Variants in WWOX observed in about 807,000 individuals in gnomAD.
WWOX encodes WW domain-containing oxidoreductase.
Under a neutral mutation model 46.2 loss-of-function variants are expected in WWOX, and 69 were observed. The ratio of observed to expected loss-of-function variants is 1.49; its 90% CI spans 1.23 to 1.82. WWOX has a LOEUF of 1.82. Among genes scored for constraint, WWOX ranks in the 40% most tolerant of loss-of-function variants. The probability of loss-of-function intolerance (pLI) is 0.00; values close to 1 mark genes in which losing one functional copy is unlikely to be tolerated. For missense variants in WWOX, 919 were observed against 542.6 expected (o/e 1.69, Z -6.89); for synonymous variants, 359 against 202.6 (o/e 1.77, Z -6.56).
At chr16:78,956,026 A>G (rs907600933) in intron 8 of WWOX, among the ~76,000 whole-genome samples, 1 of 152,074 alleles carries the variant, frequency 6.6e-6, no homozygotes, top group African/African-American at 2.4e-5. Flanking sequence ...TTTTTTTAGA[A>G]CTGTTTTAGT....
At chr16:79,175,367 TG>T (rs1484455332) in intron 8 of WWOX, among the ~76,000 whole-genome samples, 1 of 152,144 alleles carries the variant, frequency 6.6e-6, no homozygotes, top group Admixed American at 6.5e-5. Flanking sequence ...CTTCTGGGTG[TG>T]GGTTTTAAAT....
chr16:78,457,550 T>C (rs765100404), intron 8 of WWOX, among the ~76,000 whole-genome samples: 3 of 152,084 alleles, frequency 2.0e-5, no homozygotes, highest in Non-Finnish European at 4.4e-5. Context: ...TTTGGGGAAA[T>C]CTTAACAGCC....
intron 8 of WWOX, among the ~76,000 whole-genome samples, chr16:79,029,639 C>G (rs752078944): frequency 2.6e-5 from 4 of 152,180 alleles, no homozygotes; most frequent in African/African-American, 4.8e-5. Flanking sequence ...ATAAAATTGA[C>G]ATTTTTAACT....
At chr16:78,736,932 T>G (rs1055395550) in intron 8 of WWOX, among the ~76,000 whole-genome samples, 1 of 151,908 alleles carries the variant, frequency 6.6e-6, no homozygotes, top group Non-Finnish European at 1.5e-5. Flanking sequence ...ATATAGCTAT[T>G]GTGTATTGCG....
intron 8 of WWOX, chr16:79,205,244 G>C (rs1235929218): frequency 1.3e-5 from 2 of 152,202 alleles, no homozygotes; most frequent in African/African-American, 4.8e-5. Flanking sequence ...TTATGGTGAT[G>C]GACTGGCACT....
At chr16:78,623,420 C>A (rs754509115) in intron 8 of WWOX, among the ~76,000 whole-genome samples, 1 of 152,126 alleles carries the variant, frequency 6.6e-6, no homozygotes, top group African/African-American at 2.4e-5. Context: ...TGGCTCATGC[C>A]TGTCATTCCA....
intron 8 of WWOX, among the ~76,000 whole-genome samples, chr16:78,791,492 C>G (rs544667468): frequency 4.6e-5 from 7 of 152,232 alleles, no homozygotes; most frequent in Non-Finnish European, 7.4e-5. Context: ...TTTGCCCTGT[C>G]GTGGTCTTGG....
At chr16:78,420,896 T>C (rs1406229813) in intron 6 of WWOX, among the ~76,000 whole-genome samples, 2 of 152,100 alleles carry the variant, frequency 1.3e-5, no homozygotes, top group East Asian at 3.8e-4. Context: ...TATCTGGAAA[T>C]CTTTTCGTGG....
At chr16:78,439,247 C>T (rs1399163300) in intron 8 of WWOX, among the ~76,000 whole-genome samples, 8 of 152,096 alleles carry the variant, frequency 5.3e-5, no homozygotes, top group Admixed American at 5.2e-4. Context: ...TTTGAGACTC[C>T]TGAGTGAGGT....
At chr16:79,027,107 C>T (rs1005768532) in intron 8 of WWOX, among the ~76,000 whole-genome samples, 1 of 151,116 alleles carries the variant, frequency 6.6e-6, no homozygotes, top group Non-Finnish European at 1.5e-5. Context: ...TGGTGAGACC[C>T]CATCTCTACA....
intron 8 of WWOX, chr16:78,873,349 C>A (rs1295337800): frequency 6.6e-6 from 1 of 152,172 alleles, no homozygotes; most frequent in Non-Finnish European, 1.5e-5. Flanking sequence ...CTGGTCATCA[C>A]CCTTCAAGTT....
At chr16:78,373,783 C>G (rs2081752653) in intron 5 of WWOX, among the ~76,000 whole-genome samples, 1 of 151,956 alleles carries the variant, frequency 6.6e-6, no homozygotes, top group African/African-American at 2.4e-5. Flanking sequence ...TTAAACTTTT[C>G]TGAGCATATA....
At chr16:79,193,191 C>G (rs989599466) in intron 8 of WWOX, among the ~76,000 whole-genome samples, 3 of 152,236 alleles carry the variant, frequency 2.0e-5, no homozygotes, top group Non-Finnish European at 4.4e-5. Flanking sequence ...GTTATGGAAT[C>G]AGATAGACCA....
intron 8 of WWOX, among the ~76,000 whole-genome samples, chr16:78,456,924 G>A (rs1336218367): frequency 6.6e-6 from 1 of 152,232 alleles, no homozygotes; most frequent in South Asian, 2.1e-4. Flanking sequence ...TCACCCTTAT[G>A]AAGAGTTACT....
chr16:78,639,139 G>A (rs907811448), intron 8 of WWOX, among the ~76,000 whole-genome samples: 2 of 152,188 alleles, frequency 1.3e-5, no homozygotes, highest in Non-Finnish European at 2.9e-5. Flanking sequence ...TTTGGGCAAG[G>A]TGAAAACTTG....
chr16:78,340,664 A>C (rs192255771), intron 5 of WWOX, among the ~76,000 whole-genome samples: 1 of 120,186 alleles, frequency 8.3e-6, no homozygotes, highest in Admixed American at 8.1e-5. Context: ...ATTTTTTGGG[A>C]AAACCACTGT....
chr16:78,890,575 C>G (rs982955305), intron 8 of WWOX: 3 of 152,182 alleles, frequency 2.0e-5, no homozygotes, highest in African/African-American at 7.2e-5. Flanking sequence ...TGTAGTTGCT[C>G]TCTTTTTGCC....
intron 8 of WWOX, among the ~76,000 whole-genome samples, chr16:78,685,920 A>G (rs1253006559): frequency 6.6e-6 from 1 of 151,982 alleles, no homozygotes. Flanking sequence ...AAAAGAAAAA[A>G]GAGAGGTGGG....
At chr16:78,902,168 G>A (rs146374617) in intron 8 of WWOX, among the ~76,000 whole-genome samples, 9 of 152,260 alleles carry the variant, frequency 5.9e-5, no homozygotes, top group East Asian at 5.8e-4. Context: ...CTGGAGAATC[G>A]GGCAGCCTGC....
Sources: allele counts gnomAD v4.1 joint callset (sites outside exome capture counted in the v4.1 genomes callset), GRCh38; gene constraint gnomAD v4.1.1; transcripts MANE v1.5; gene names NCBI Gene and HGNC (gene_info 2026-07-23, HGNC 2026-07-21).